The following IL17RA variants were observed in gnomAD, a reference collection of about 807,000 sequenced individuals.
IL17RA encodes the protein interleukin 17 receptor A.
IL17RA carries 34 observed loss-of-function variants against 50.4 expected under a neutral mutation model. The observed-to-expected ratio is 0.67, with a 90% CI of 0.51 to 0.90. The LOEUF (loss-of-function observed/expected upper bound fraction) is 0.90, where lower values mean the gene tolerates loss of function less well. IL17RA is among the 40% of genes least tolerant of loss of function. IL17RA has a pLI of 0.00. For synonymous variants in IL17RA, 585 were observed against 510.4 expected, an observed-to-expected ratio of 1.15 and a Z score of -1.97; for missense variants, 1,276 against 1,169.8, an observed-to-expected ratio of 1.09 and a Z score of -1.32.
chr22:17,108,554 C>T lies in IL17RA; in HGVS notation c.1335C>T (p.Val445=), dbSNP rs1353303659. The change falls in exon 13 of 13, where the codon GTC becomes GTT. Residue 445 remains valine (V), a synonymous_variant. Transcript: ENST00000319363. ...TGGAGAGCAACTCTAAGATCATCGT[C>T]CTGTGCTCCCGCGGCACGCGCGCCA... ...EMVESNSKII[V]LCSRGTRAKW... The T allele has an allele frequency of 1.2e-6, 2 of 1,608,626 alleles. No individual in the cohort carries two copies. Among genetic ancestry groups the T allele is most frequent in the Admixed American group, 1.7e-5 (1 of 60,010 alleles).
Position 17,109,652 on chromosome 22 carries a change from G to T in IL17RA, c.2433G>T (p.Met811Ile), listed in dbSNP as rs1358137864. The change falls in exon 13 of 13, where the codon ATG (methionine) becomes ATT (isoleucine). Residue 811 changes from methionine to isoleucine, a missense_variant. Coordinates refer to ENST00000319363, the MANE Select transcript of IL17RA (RefSeq NM_014339.7). The stretch of plus-strand genomic sequence containing the variant: ...AGCCCCCCGAGGGACTCACGGAAAT[G>T]GAGGAAGAGGAGGAAGAGGAGCAGG... ...SPQPPEGLTEMEEEEEEEQDP... is the reference protein window; with the variant it reads ...SPQPPEGLTEIEEEEEEEQDP... The T allele has an allele frequency of 6.2e-7, 1 of 1,600,526 alleles. No individual in the cohort carries two copies. The highest frequency in any genetic ancestry group is 1.7e-5 in the Admixed American group (1 of 58,356).
chr22:17,085,127 G>C lies in IL17RA; in HGVS notation c.36G>C (p.Pro12=). ...CACGCAGCCCGCCGTCCGCTGTCCC[G>C]GGGCCCCTGCTGGGGCTGCTCCTGC... The part of the protein sequence containing the change: ...GAARSPPSAV[P]GPLLGLLLLL... The change falls in exon 1 of 13, where the codon CCG becomes CCC. Residue 12 remains proline (P), a synonymous_variant. Transcript: ENST00000319363. 1 of 1,459,122 alleles carries C rather than the reference G, an allele frequency of 6.9e-7. No homozygotes were observed. The highest frequency in any genetic ancestry group is 1.3e-5 in the South Asian group (1 of 75,330). 90.4% of individuals were successfully genotyped at this position (1,459,122 alleles called of 1,614,324 possible).
chr22:17,103,463 T>A (rs547779965), intron 7 of IL17RA, 31 bp from the exon 8 acceptor site: 13 of 1,597,178 alleles, frequency 8.1e-6, no homozygotes, highest in Non-Finnish European at 1.0e-5. Flanking sequence ...CCATCCCAAC[T>A]AGCCTTACCC....
chr22:17,107,864 C>T (rs1476706100), intron 12 of IL17RA, 96 bp downstream of exon 12: 24 of 1,091,140 alleles, frequency 2.2e-5, no homozygotes, highest in Non-Finnish European at 3.4e-5. Context: ...CTCTAACTCC[C>T]AAGTCCCTTC....
At position 17,113,452 on chromosome 22, in the gene IL17RA, C is replaced by T. The variant is rs1245459199; in HGVS notation, c.*3632C>T. The T allele has an allele frequency of 1.3e-5, 2 of 152,322 alleles. No individual in the cohort carries two copies. The highest frequency in any genetic ancestry group is 1.9e-4 in the East Asian group (1 of 5,206). The allele number at this position is 152,322 out of a possible 1,614,324, so 9.4% of individuals were successfully genotyped here. ...GCTCAAGCCATCTGCCCGCCTCATCCTCCCAAAGTGCTGGGATTATAGGCC... is the reference window on the plus strand; with the variant it reads ...GCTCAAGCCATCTGCCCGCCTCATCTTCCCAAAGTGCTGGGATTATAGGCC... On this transcript the variant is annotated 3_prime_UTR_variant, in exon 13 of 13. Transcript: ENST00000319363.
Position 17,114,479 on chromosome 22 carries a change from C to T in IL17RA, c.*4659C>T, listed in dbSNP as rs2061458716. 1 of 152,282 alleles carries T rather than the reference C, an allele frequency of 6.6e-6. No individual in the cohort carries two copies. Among genetic ancestry groups the T allele is most frequent in the Non-Finnish European group, 1.5e-5 (1 of 68,098 alleles). The allele number at this position is 152,282 out of a possible 1,614,324, so 9.4% of individuals were successfully genotyped here. A position where few individuals can be genotyped will look rare whatever the true frequency, so the allele number is the denominator to read the frequency against. On this transcript the variant is annotated 3_prime_UTR_variant, in exon 13 of 13. Transcript: ENST00000319363. ...AGCCCACCTCCCCCTGGAGTCCTTC[C>T]CAGGAGGAATAACCCCTTAGGTCAT...
rs752407403 is a variant in IL17RA at position 17,085,117 on chromosome 22, C to T, written c.26C>T (p.Ser9Phe). The T allele has an allele frequency of 1.1e-4, 155 of 1,398,628 alleles. No homozygotes were observed. The highest frequency in any genetic ancestry group is 1.4e-4 in the Non-Finnish European group (152 of 1,076,410). 86.6% of individuals were successfully genotyped at this position (1,398,628 alleles called of 1,614,324 possible). A position where few individuals can be genotyped will look rare whatever the true frequency, so the allele number is the denominator to read the frequency against. ...ATGGGGGCCGCACGCAGCCCGCCGT[C>T]CGCTGTCCCGGGGCCCCTGCTGGGG... is the stretch of plus-strand genomic sequence containing the variant. MGAARSPP[S>F]AVPGPLLGLL... Residue 9 changes from serine (S) to phenylalanine (F), a missense_variant, in exon 1 of 13, where the codon TCC becomes TTC. Transcript: ENST00000319363.
intron 11 of IL17RA, among the ~76,000 whole-genome samples, chr22:17,106,700 A>G (rs1231954826): frequency 6.6e-6 from 1 of 152,076 alleles, no homozygotes; most frequent in Non-Finnish European, 1.5e-5. Flanking sequence ...ACCCTTCCCT[A>G]GGCTCGTCAG....
At chr22:17,101,804 G>A (rs375892528) in intron 5 of IL17RA, among the ~76,000 whole-genome samples, 192 bp from the exon 6 acceptor site, 7 of 152,320 alleles carry the variant, frequency 4.6e-5, no homozygotes, top group East Asian at 1.9e-4. Context: ...AGGGTTCCCC[G>A]AGAGATGAGG....
rs398040433 is a variant in IL17RA, at chr22:17,113,082, AG to A, written c.*3265del. ...CATAGGAAGGTCCTTGAAGGTGTTT[AG>A]GGTCTAAAAAGGGTGGTGTTCGGTC... On this transcript the variant is annotated 3_prime_UTR_variant, in exon 13 of 13. Coordinates refer to ENST00000319363, the MANE Select transcript of IL17RA (RefSeq NM_014339.7). The A allele has an allele frequency of 0.084, 12,715 of 150,964 alleles. 1,014 individuals are homozygous for A. The highest frequency in any genetic ancestry group is 0.34 in the East Asian group (1,763 of 5,144). 9.4% of individuals were successfully genotyped at this position (150,964 alleles called of 1,614,324 possible).
chr22:17,094,709 A>ATG (rs1454846481), intron 1 of IL17RA, among the ~76,000 whole-genome samples: 7 of 85,266 alleles, frequency 8.2e-5, no homozygotes, highest in Admixed American at 2.2e-4. Context: ...ATATATATAT[A>ATG]TATATATATT....
chr22:17,109,900 C>T lies in IL17RA; in HGVS notation c.*80C>T. ...CACGTATTCATCTGTGTGTACATGT[C>T]TGCATGTGTATATGTTCGTGTGTGA... On this transcript the variant is annotated 3_prime_UTR_variant, in exon 13 of 13. Coordinates refer to ENST00000319363, the MANE Select transcript of IL17RA (RefSeq NM_014339.7). The T allele has an allele frequency of 2.4e-6, 3 of 1,259,666 alleles. No homozygotes were observed. The highest frequency in any genetic ancestry group is 2.6e-5 in the South Asian group (2 of 75,882). The allele number at this position is 1,259,666 out of a possible 1,614,324, so 78.0% of individuals were successfully genotyped here. A position where few individuals can be genotyped will look rare whatever the true frequency, so the allele number is the denominator to read the frequency against.
At position 17,108,333 on chromosome 22, in the gene IL17RA, C is replaced by G. The variant is rs772345540; in HGVS notation, c.1114C>G (p.Pro372Ala). ...TGGCCTGCCTGCGGCTGACCTGATC[C>G]CCCCACCGCTGAAGCCCAGGAAGGT... ...TDGLPAADLI[P>A]PPLKPRKVWI... The change falls in exon 13 of 13, where the codon CCC (proline) becomes GCC (alanine). Residue 372 changes from proline (P) to alanine (A), a missense_variant. Physicochemically the swap from Pro to Ala is conservative, Grantham distance 27 (BLOSUM62 -1). Transcript: ENST00000319363. 4 of 1,614,128 alleles carry G rather than the reference C, an allele frequency of 2.5e-6. No individual in the cohort carries two copies. Among genetic ancestry groups the G allele is most frequent in the Non-Finnish European group, 3.4e-6 (4 of 1,180,010 alleles).
At chr22:17,085,349 G>C in intron 1 of IL17RA, 120 bp downstream of exon 1, 1 of 1,471,798 alleles carries the variant, frequency 6.8e-7, no homozygotes, top group Non-Finnish European at 9.0e-7. Flanking sequence ...TCCGCGCCGC[G>C]GGCTTAGAGG....
chr22:17,092,693 G>A (rs1337053316), intron 1 of IL17RA, among the ~76,000 whole-genome samples: 2 of 151,548 alleles, frequency 1.3e-5, no homozygotes, highest in Non-Finnish European at 2.9e-5. Context: ...CCACACTCTC[G>A]GGGAATATGT....
At position 17,087,415 on chromosome 22, in the gene IL17RA, C is replaced by T. The variant is rs186802173; in HGVS notation, c.138+2186C>T. 6.8e-4 allele frequency among the ~76,000 whole-genome samples: 103 copies of T among 152,344 alleles called. 1 individual carries two copies. Among genetic ancestry groups the T allele is most frequent in the Admixed American group, 5.7e-3 (88 of 15,306 alleles). On this transcript the variant is annotated intron_variant, in intron 1 of 12. Coordinates refer to ENST00000319363, the MANE Select transcript of IL17RA (RefSeq NM_014339.7). ...GTAAGTGTCTGTCCAAAGCCCAGTT[C>T]GATTTAGCCTTCCATAACTATCCTC...
intron 9 of IL17RA, 151 bp from the exon 10 acceptor site, chr22:17,105,440 T>C (rs1186944459): frequency 3.6e-6 from 3 of 823,616 alleles, no homozygotes; most frequent in Non-Finnish European, 6.4e-6. Context: ...GTGTCTCTTG[T>C]AGATGGTTTC....
At chr22:17,092,150 C>T (rs1568916550) in intron 1 of IL17RA, among the ~76,000 whole-genome samples, 1 of 152,158 alleles carries the variant, frequency 6.6e-6, no homozygotes. Flanking sequence ...GTCATGCTCA[C>T]ATGAAGCCTC....
At position 17,096,296 on chromosome 22, in the gene IL17RA, G is replaced by C. The variant is rs142579106; in HGVS notation, c.139-766G>C. ...GGGTGCCTCAGCTTCCTCATCTGCA[G>C]AATGGGCTGAGGATAATACCTCGTC... On this transcript the variant is annotated intron_variant, in intron 1 of 12. Transcript: ENST00000319363. Among the ~76,000 whole-genome samples, 450 of 152,328 alleles carry C rather than the reference G, an allele frequency of 3.0e-3. 2 individuals are homozygous for C. The highest frequency in any genetic ancestry group is 0.01 in the African/African-American group (433 of 41,560).
Sources: allele counts gnomAD v4.1 joint callset (sites outside exome capture counted in the v4.1 genomes callset), GRCh38; gene constraint gnomAD v4.1.1; transcripts MANE v1.5; gene names NCBI Gene and HGNC (gene_info 2026-07-23, HGNC 2026-07-21).